Variants in MYLK observed in about 807,000 individuals in gnomAD.
MYLK encodes myosin light chain kinase, also known as myosin light chain kinase, smooth muscle.
MYLK carries 106 observed loss-of-function variants against 203.4 expected under a neutral mutation model. The ratio of observed to expected loss-of-function variants is 0.52; its 90% confidence interval spans 0.45 to 0.61. MYLK has a LOEUF of 0.61. Ranked by LOEUF, MYLK falls within the 20% of genes least tolerant of loss-of-function variation. The pLI is 0.00. For synonymous variants in MYLK, 867 were observed against 959.5 expected (o/e 0.90, Z 1.78); for missense variants, 2,072 against 2,442.3 (o/e 0.85, Z 3.20).
chr3:123,846,578 G>A lies in MYLK; in HGVS notation c.-126-14908C>T, dbSNP rs111367819. Among the ~76,000 whole-genome samples, 1,002 of 152,208 alleles carry A rather than the reference G, an allele frequency of 6.6e-3. 9 individuals carry two copies. The highest frequency in any genetic ancestry group is 0.02 in the African/African-American group (845 of 41,516). On this transcript the variant is annotated intron_variant, in intron 2 of 33. Coordinates refer to ENST00000360304, the MANE Select transcript of MYLK (RefSeq NM_053025.4). ...CAAGAAAGATTCTCCATCTAGGACC[G>A]AAATTCCTGGGTGTAAAGGGTATAA...
chr3:123,882,629 C>T (rs186654894), intron 1 of MYLK, among the ~76,000 whole-genome samples: 1 of 152,234 alleles, frequency 6.6e-6, no homozygotes, highest in Admixed American at 6.5e-5. Flanking sequence ...TGAGACAGAC[C>T]TGCACATCTT....
At chr3:123,742,525 C>CA (rs765673777) in intron 5 of MYLK, among the ~76,000 whole-genome samples, 3 of 151,452 alleles carry the variant, frequency 2.0e-5, no homozygotes, top group Non-Finnish European at 1.5e-5. Context: ...AATCTAGTTG[C>CA]AAAAAAAGGG....
intron 18 of MYLK, among the ~76,000 whole-genome samples, chr3:123,699,425 G>A (rs1220173508): frequency 1.3e-5 from 2 of 152,228 alleles, no homozygotes; most frequent in Admixed American, 1.3e-4. Context: ...GCCCGTGAGT[G>A]TGTGCTGTAG....
chr3:123,797,648 C>T (rs1321550759), intron 3 of MYLK, among the ~76,000 whole-genome samples: 1 of 152,064 alleles, frequency 6.6e-6, no homozygotes, highest in Non-Finnish European at 1.5e-5. Context: ...CTTTTGTGAC[C>T]CTGCCACAAA....
At chr3:123,812,619 T>C (rs1163437629) in intron 3 of MYLK, among the ~76,000 whole-genome samples, 2 of 152,220 alleles carry the variant, frequency 1.3e-5, no homozygotes, top group South Asian at 2.1e-4. Context: ...CCAACACTTG[T>C]CACCTGTGTC....
At chr3:123,637,238 G>C (rs1341785662) in intron 29 of MYLK, among the ~76,000 whole-genome samples, 1 of 152,194 alleles carries the variant, frequency 6.6e-6, no homozygotes. Flanking sequence ...GCACCCTGGG[G>C]CTTCAGGGAC....
At chr3:123,692,943 C>A (rs2060741985) in intron 18 of MYLK, 92 bp from the exon 19 acceptor site, 7 of 1,124,688 alleles carry the variant, frequency 6.2e-6, no homozygotes, top group Non-Finnish European at 9.4e-6. Flanking sequence ...CTCGCACGGG[C>A]AGCCTCTGGG....
chr3:123,840,604 TA>T (rs563876843), intron 2 of MYLK, among the ~76,000 whole-genome samples: 11 of 150,846 alleles, frequency 7.3e-5, no homozygotes, highest in South Asian at 4.2e-4. Context: ...AAAGACATTA[TA>T]AAAAAAACCA....
intron 16 of MYLK, among the ~76,000 whole-genome samples, chr3:123,703,405 T>C (rs2061328492): frequency 6.6e-6 from 1 of 152,178 alleles, no homozygotes. Context: ...CTGACTGCCT[T>C]AGCTCTTTCA....
intron 4 of MYLK, among the ~76,000 whole-genome samples, chr3:123,767,005 C>T (rs1471718418): frequency 6.6e-6 from 1 of 152,198 alleles, no homozygotes; most frequent in African/African-American, 2.4e-5. Flanking sequence ...TTAGACTTCC[C>T]AGTCCATGCC....
chr3:123,737,655 GTCCT>G, intron 7 of MYLK, 112 bp from the exon 8 acceptor site: 3 of 1,388,666 alleles, frequency 2.2e-6, no homozygotes, highest in Non-Finnish European at 3.0e-6. Flanking sequence ...GGGCAGCAGC[GTCCT>G]CTGCTGTGGG....
At chr3:123,655,521 C>T (rs909313120) in intron 24 of MYLK, among the ~76,000 whole-genome samples, 1 of 152,220 alleles carries the variant, frequency 6.6e-6, no homozygotes, top group Admixed American at 6.5e-5. Context: ...GATACCTTCC[C>T]TCGGCTAGCC....
At chr3:123,765,350 G>A (rs958878334) in intron 4 of MYLK, among the ~76,000 whole-genome samples, 20 of 152,162 alleles carry the variant, frequency 1.3e-4, no homozygotes, top group Admixed American at 5.9e-4. Flanking sequence ...GGCCAACATG[G>A]TGAAACCCCG....
At chr3:123,805,145 C>T (rs76432550) in intron 3 of MYLK, among the ~76,000 whole-genome samples, 8 of 152,274 alleles carry the variant, frequency 5.3e-5, no homozygotes, top group African/African-American at 1.9e-4. Context: ...ACTGAAAGGC[C>T]TGGGGATACT....
intron 3 of MYLK, among the ~76,000 whole-genome samples, chr3:123,809,491 A>C (rs1025669395): frequency 1.3e-5 from 2 of 152,138 alleles, no homozygotes; most frequent in African/African-American, 4.8e-5. Context: ...GCACCACTGC[A>C]CTCCAGCCTG....
intron 2 of MYLK, among the ~76,000 whole-genome samples, chr3:123,863,988 A>G (rs905321850): frequency 1.3e-5 from 2 of 152,236 alleles, no homozygotes; most frequent in African/African-American, 2.4e-5. Flanking sequence ...AAACTGTGGT[A>G]TAGCCATAAA....
At chr3:123,653,041 G>A (rs2059268102) in intron 24 of MYLK, among the ~76,000 whole-genome samples, 1 of 152,164 alleles carries the variant, frequency 6.6e-6, no homozygotes, top group African/African-American at 2.4e-5. Flanking sequence ...GGATGCAAAT[G>A]AGGCATGAGA....
chr3:123,751,153 T>C (rs1304492870), intron 5 of MYLK, among the ~76,000 whole-genome samples: 1 of 152,182 alleles, frequency 6.6e-6, no homozygotes, highest in Non-Finnish European at 1.5e-5. Flanking sequence ...ACTTCCAGTC[T>C]TAGAAAGACC....
At chr3:123,762,773 C>T (rs1209497795) in intron 4 of MYLK, among the ~76,000 whole-genome samples, 5 of 152,178 alleles carry the variant, frequency 3.3e-5, no homozygotes, top group African/African-American at 9.7e-5. Context: ...TAGCATTCAT[C>T]CCCTTTGGAG....
Sources: gnomAD v4.1 joint callset for allele counts (sites outside exome capture counted in the v4.1 genomes callset) on GRCh38, gnomAD v4.1.1 for gene constraint, MANE v1.5 for transcripts, NCBI Gene and HGNC (gene_info 2026-07-23, HGNC 2026-07-21) for gene names.